The following PPP2R2D variants were observed in gnomAD, a reference collection of about 807,000 sequenced individuals.
The protein encoded by PPP2R2D is protein phosphatase 2 regulatory subunit Bdelta.
A neutral mutation model predicts 31.1 loss-of-function variants in PPP2R2D; 9 were observed. That is an observed-to-expected ratio of 0.29 (90% CI 0.17 to 0.51). The LOEUF is 0.51. Ranked by LOEUF, PPP2R2D falls within the 20% of genes least tolerant of loss-of-function variation. The probability of loss-of-function intolerance (pLI) is 0.98; values close to 1 mark genes in which losing one functional copy is unlikely to be tolerated. For synonymous variants in PPP2R2D, 179 were observed against 172.6 expected (o/e 1.04, Z -0.29); for missense variants, 391 against 465.6 (o/e 0.84, Z 1.48).
chr10:131,935,453 CT>C (rs1251516297), intron 3 of PPP2R2D, among the ~76,000 whole-genome samples: 2 of 152,302 alleles, frequency 1.3e-5, no homozygotes, highest in Non-Finnish European at 2.9e-5. Flanking sequence ...TGGTTCCCCT[CT>C]CTGCAGATCT....
chr10:131,922,217 T>C (rs2035999531), intron 2 of PPP2R2D, among the ~76,000 whole-genome samples: 2 of 152,256 alleles, frequency 1.3e-5, no homozygotes, highest in Admixed American at 6.5e-5. Context: ...TTCTCTCTCA[T>C]GTCATTTACG....
At chr10:131,927,779 G>A (rs1031572516) in intron 2 of PPP2R2D, among the ~76,000 whole-genome samples, 12 of 152,212 alleles carry the variant, frequency 7.9e-5, no homozygotes, top group Non-Finnish European at 1.6e-4. Context: ...GGTGTTACGC[G>A]ATGGTCATTT....
At chr10:131,955,415 T>C (rs2036774493) in intron 8 of PPP2R2D, among the ~76,000 whole-genome samples, 1 of 152,226 alleles carries the variant, frequency 6.6e-6, no homozygotes, top group Admixed American at 6.5e-5. Context: ...TGGGGTTGTT[T>C]CAAAAAATAC....
At chr10:131,924,046 T>C (rs1318996298) in intron 2 of PPP2R2D, among the ~76,000 whole-genome samples, 1 of 152,174 alleles carries the variant, frequency 6.6e-6, no homozygotes, top group Admixed American at 6.5e-5. Flanking sequence ...TAAGAGTTCT[T>C]CAGGTATTCT....
chr10:131,963,336 G>A (rs2036945832), downstream of PPP2R2D, among the ~76,000 whole-genome samples: 1 of 150,004 alleles, frequency 6.7e-6, no homozygotes, highest in East Asian at 2.0e-4. Context: ...GCTGTGAACT[G>A]GTCATACGTA....
chr10:131,956,540 T>C lies in PPP2R2D; in HGVS notation c.*577T>C. On this transcript the variant is annotated 3_prime_UTR_variant, in exon 9 of 9. Coordinates refer to ENST00000455566, the MANE Select transcript of PPP2R2D (RefSeq NM_018461.5). ...AAAAACAACACACTATAAAGTGTTT[T>C]TAAATCCAAACAGAAGTATTGTCTT... is the stretch of plus-strand genomic sequence containing the variant. The C allele has an allele frequency of 1.3e-5, 13 of 985,504 alleles. No homozygotes were observed. Among genetic ancestry groups the C allele is most frequent in the Non-Finnish European group, 1.6e-5 (13 of 829,952 alleles). 61.0% of individuals were successfully genotyped at this position (985,504 alleles called of 1,614,324 possible).
chr10:131,970,809 C>A, the PPP2R2D span: 3 of 1,614,228 alleles, frequency 1.9e-6, no homozygotes, highest in Non-Finnish European at 2.5e-6. The surrounding 1 kb of genome is among the most constrained non-coding windows in gnomAD (Gnocchi z 4.1). Flanking sequence ...AGAAACGTGT[C>A]AGCTGATGTG....
At chr10:131,950,676 CAGAT>C (rs2036620947) in intron 8 of PPP2R2D, among the ~76,000 whole-genome samples, 2 of 152,186 alleles carry the variant, frequency 1.3e-5, no homozygotes, top group South Asian at 4.1e-4. Flanking sequence ...GGGGCTGAGA[CAGAT>C]AGGCAGAGGA....
chr10:131,963,968 T>C (rs1306655941), downstream of PPP2R2D, among the ~76,000 whole-genome samples: 2 of 152,150 alleles, frequency 1.3e-5, no homozygotes, highest in African/African-American at 4.8e-5. Context: ...AGCGCCCACG[T>C]TGTATTTCGT....
intron 8 of PPP2R2D, among the ~76,000 whole-genome samples, chr10:131,952,522 C>CG (rs1471992473): frequency 4.3e-5 from 2 of 46,420 alleles, no homozygotes; most frequent in Non-Finnish European, 7.1e-5. Context: ...TGTGGGTGTG[C>CG]GGGTGGTTCA....
intron 2 of PPP2R2D, among the ~76,000 whole-genome samples, chr10:131,916,827 G>A (rs2035799070): frequency 1.3e-5 from 2 of 149,156 alleles, no homozygotes; most frequent in Admixed American, 6.7e-5. Flanking sequence ...TCAGTCGGGT[G>A]GAATGACAGT....
chr10:131,919,728 G>A lies in PPP2R2D; in HGVS notation c.101-14730G>A, dbSNP rs1289888180. ...CCTCAGGCCGGTGGAATGACACAGT[G>A]TTCGTAGGGACCTCACGTGGGTGGA... On this transcript the variant is annotated intron_variant, in intron 2 of 8. Transcript: ENST00000455566. Among the ~76,000 whole-genome samples the A allele has an allele frequency of 2.4e-5, 3 of 126,914 alleles. 1 individual carries two copies. The East Asian group carries it at 9.0e-4, about 38-fold the overall frequency. The allele number at this position is 126,914 out of a possible 152,430, so 83.3% of individuals were successfully genotyped here. A position where few individuals can be genotyped will look rare whatever the true frequency, so the allele number is the denominator to read the frequency against.
intron 2 of PPP2R2D, among the ~76,000 whole-genome samples, chr10:131,916,876 G>A (rs2035802859): frequency 6.7e-6 from 1 of 149,796 alleles, no homozygotes; most frequent in African/African-American, 2.5e-5. Flanking sequence ...GACAGTGTTT[G>A]TAGGGACCTC....
At chr10:131,940,518 C>G in intron 4 of PPP2R2D, 64 bp from the exon 5 acceptor site, 2 of 696,696 alleles carry the variant, frequency 2.9e-6, no homozygotes. Context: ...TACCAGTACT[C>G]AAACAGTAGT....
intron 2 of PPP2R2D, among the ~76,000 whole-genome samples, chr10:131,903,527 G>A (rs2035535567): frequency 6.6e-6 from 1 of 151,210 alleles, no homozygotes; most frequent in African/African-American, 2.4e-5. Context: ...TTAAACTGAT[G>A]GGAACTTTTT....
downstream of PPP2R2D, among the ~76,000 whole-genome samples, chr10:131,960,471 G>A (rs549827450): frequency 1.3e-5 from 2 of 152,314 alleles, no homozygotes; most frequent in Admixed American, 1.3e-4. Flanking sequence ...ATGCCCTCGT[G>A]GACAGACTCA....
At chr10:131,928,527 G>A (rs1217559468) in intron 2 of PPP2R2D, among the ~76,000 whole-genome samples, 1 of 152,200 alleles carries the variant, frequency 6.6e-6, no homozygotes, top group East Asian at 1.9e-4. Context: ...GTATTGACAG[G>A]GTTTTTTCAG....
At chr10:131,917,841 A>T (rs1554893473) in intron 2 of PPP2R2D, among the ~76,000 whole-genome samples, 1 of 115,410 alleles carries the variant, frequency 8.7e-6, no homozygotes. Context: ...GTGGAATGAC[A>T]CAGTGTTTGT....
In PPP2R2D at chr10:131,947,519, T is replaced by G; in HGVS notation, c.821-11T>G. On this transcript the variant is annotated splice_polypyrimidine_tract_variant and intron_variant, in intron 7 of 8. Coordinates refer to ENST00000455566, the MANE Select transcript of PPP2R2D (RefSeq NM_018461.5). This position sits in a 1 kb window ranked among gnomAD's most constrained non-coding sequence, Gnocchi z 4.3. Reference sequence around the variant, plus strand: ...AAACAGAAGCTGAAAACATTTTATTTTGTTTTTCAGTTTTTGAAGAGCCTG... The same window carrying G: ...AAACAGAAGCTGAAAACATTTTATTGTGTTTTTCAGTTTTTGAAGAGCCTG... The G allele has an allele frequency of 1.2e-6, 2 of 1,607,602 alleles. No individual in the cohort carries two copies.
Sources: gnomAD v4.1 joint callset for allele counts (sites outside exome capture counted in the v4.1 genomes callset) on GRCh38, gnomAD v4.1.1 for gene constraint, Gnocchi (gnomAD v3.1) non-coding constraint, MANE v1.5 for transcripts, NCBI Gene and HGNC (gene_info 2026-07-23, HGNC 2026-07-21) for gene names.